PRPF40B: variants seen among roughly 807,000 people sequenced by gnomAD.
PRPF40B encodes pre-mRNA-processing factor 40 homolog B.
In PRPF40B, 56 loss-of-function variants were observed where a neutral mutation model predicts 124.5. The ratio of observed to expected loss-of-function variants is 0.45; its 90% CI spans 0.36 to 0.56. The LOEUF (loss-of-function observed/expected upper bound fraction) is 0.56, where lower values mean the gene tolerates loss of function less well. Ranked by LOEUF, PRPF40B falls within the 20% of genes least tolerant of loss-of-function variation. The pLI, the probability that PRPF40B is intolerant of heterozygous loss-of-function variation, is 0.00. For missense variants in PRPF40B, 1,053 were observed against 1,169.5 expected (o/e 0.90, Z 1.45); for synonymous variants, 443 against 426.4 (o/e 1.04, Z -0.48).
intron 18 of PRPF40B, chr12:49,641,222 T>C (rs1942601541): frequency 1.3e-5 from 2 of 152,238 alleles, no homozygotes; most frequent in Non-Finnish European, 2.9e-5. Flanking sequence ...GTTTTTAGTA[T>C]TGGTGGGGAG....
In PRPF40B at chr12:49,631,662, C is replaced by T; in HGVS notation, c.228+118C>T. ...GGAAGGAAGGGAGCTTTGGGCCAAA[C>T]CCATGTGGATTTGTCTGCTGAATGA... On this transcript the variant is annotated intron_variant, in intron 3 of 25. Coordinates refer to ENST00000548825, the MANE Select transcript of PRPF40B (RefSeq NM_001031698.3). The surrounding 1 kb of genome is among the most constrained non-coding windows in gnomAD (Gnocchi z 4.3). The T allele has an allele frequency of 1.5e-6, 2 of 1,360,760 alleles. No homozygotes were observed. Among genetic ancestry groups the T allele is most frequent in the Non-Finnish European group, 2.1e-6 (2 of 974,360 alleles). The allele number at this position is 1,360,760 out of a possible 1,614,324, so 84.3% of individuals were successfully genotyped here.
chr12:49,634,228 C>T, intron 10 of PRPF40B, 104 bp from the exon 11 acceptor site: 1 of 1,590,962 alleles, frequency 6.3e-7, no homozygotes, highest in Non-Finnish European at 8.6e-7. Context: ...CAGAAAAAGG[C>T]TGCCCTGGGG....
chr12:49,641,085 T>G (rs1439164227), intron 18 of PRPF40B: 1 of 152,260 alleles, frequency 6.6e-6, no homozygotes, highest in Non-Finnish European at 1.5e-5. Flanking sequence ...AGCCAGACTT[T>G]GAACTCCAGT....
At chr12:49,643,165 G>A (rs1324125839) in intron 22 of PRPF40B, 58 bp from the exon 23 acceptor site, 7 of 1,602,990 alleles carry the variant, frequency 4.4e-6, no homozygotes, top group African/African-American at 1.3e-5. Context: ...ATTCCCAGAC[G>A]AGGGCTTCTG....
At position 49,634,012 on chromosome 12, in the gene PRPF40B, G is replaced by C; in HGVS notation, c.732G>C (p.Gly244=). 1 of 1,614,146 alleles carries C rather than the reference G, an allele frequency of 6.2e-7. No individual in the cohort carries two copies. The highest frequency in any genetic ancestry group is 1.1e-5 in the South Asian group (1 of 91,084). The change falls in exon 10 of 26, where the codon GGG becomes GGC. Residue 244 remains glycine (G), a synonymous_variant. Coordinates refer to ENST00000548825, the MANE Select transcript of PRPF40B (RefSeq NM_001031698.3). ...GCCTCCTGGAACCTGAGCCAGGTGG[G>C]AGTGAAGATTGTGATGTGTTGGAGG... The part of the protein sequence containing the change: ...PTGLLEPEPG[G]SEDCDVLEAT...
chr12:49,625,152 A>C (rs908770121), intron 1 of PRPF40B, among the ~76,000 whole-genome samples: 1 of 152,048 alleles, frequency 6.6e-6, no homozygotes. Context: ...CTCGCTGAGG[A>C]TTTCTGGATT....
At position 49,642,534 on chromosome 12, in the gene PRPF40B, G is replaced by T; in HGVS notation, c.2023-46G>T. The T allele has an allele frequency of 6.2e-7, 1 of 1,608,008 alleles. No individual in the cohort carries two copies. The highest frequency in any genetic ancestry group is 2.2e-5 in the East Asian group (1 of 44,814). On this transcript the variant is annotated intron_variant, in intron 20 of 25. Transcript: ENST00000548825. This position sits in a 1 kb window ranked among gnomAD's most constrained non-coding sequence, Gnocchi z 5.8. ...TGTGCTCATGGCGGTGTCCAGGCCA[G>T]GCTGAGTGGGGCCTAGTCTGATCAG...
In PRPF40B at chr12:49,642,643, C is replaced by T; in HGVS notation, c.2086C>T (p.Arg696Trp). 7 of 1,614,184 alleles carry T rather than the reference C, an allele frequency of 4.3e-6. No individual in the cohort carries two copies. The highest frequency in any genetic ancestry group is 1.7e-5 in the Admixed American group (1 of 60,030). The change falls in exon 21 of 26, where the codon CGG becomes TGG. Residue 696 changes from arginine to tryptophan, a missense_variant. This residue lies in a region of PRPF40B where 895 missense variants were observed against 1,052.2 expected (regional missense o/e 0.85). Transcript: ENST00000548825. The surrounding 1 kb of genome is among the most constrained non-coding windows in gnomAD (Gnocchi z 5.8). The part of the protein sequence containing the change: ...EQITLESERI[R>W]LFREFLQVLE... ...GATCACCCTGGAGTCGGAGCGGATCCGGCTCTTCCGGGAGTTCCTACAGGT... is the reference window on the plus strand; with the variant it reads ...GATCACCCTGGAGTCGGAGCGGATCTGGCTCTTCCGGGAGTTCCTACAGGT...
intron 1 of PRPF40B, among the ~76,000 whole-genome samples, chr12:49,625,687 T>C (rs1940647642): frequency 6.6e-6 from 1 of 152,206 alleles, no homozygotes; most frequent in Admixed American, 6.5e-5. Flanking sequence ...CAAGTGTCTC[T>C]TCATCATCTC....
At chr12:49,627,655 A>G (rs962566666) in intron 1 of PRPF40B, among the ~76,000 whole-genome samples, 1 of 152,080 alleles carries the variant, frequency 6.6e-6, no homozygotes, top group Non-Finnish European at 1.5e-5. Context: ...GGGGTTTACT[A>G]TTTACCCTAA....
intron 18 of PRPF40B, chr12:49,639,047 C>T (rs1480423439): frequency 6.6e-6 from 1 of 152,192 alleles, no homozygotes; most frequent in African/African-American, 2.4e-5. Context: ...TCCTCTCTTT[C>T]TCTGGAACCA....
At position 49,631,821 on chromosome 12, in the gene PRPF40B, T is replaced by G. The variant is rs758227369; in HGVS notation, c.229-39T>G. On this transcript the variant is annotated intron_variant, in intron 3 of 25. Transcript: ENST00000548825. This position sits in a 1 kb window ranked among gnomAD's most constrained non-coding sequence, Gnocchi z 4.3. ...ACCCTGTCCCTCCTGTTCCAGCCCT[T>G]ACCTTGGTGGTTGGTTTCTGTCTTC... 1.9e-6 allele frequency: 3 copies of G among 1,589,396 alleles called. No individual in the cohort carries two copies. Among genetic ancestry groups the G allele is most frequent in the Non-Finnish European group, 2.6e-6 (3 of 1,158,098 alleles).
chr12:49,634,904 G>A (rs1941608006), intron 12 of PRPF40B, 195 bp from the exon 13 acceptor site: 1 of 664,326 alleles, frequency 1.5e-6, no homozygotes, highest in Non-Finnish European at 2.5e-6. Flanking sequence ...CCCAGTATTT[G>A]CAGTGTCTTG....
Position 49,637,800 on chromosome 12 carries a change from G to A in PRPF40B, c.1743G>A (p.Lys581=). 6.2e-7 allele frequency: 1 copy of A among 1,608,530 alleles called. No individual in the cohort carries two copies. ...TGAAGGCACGATTCCATGATGAAAA[G>A]AAGATCATTAAGGACATCCTTAAGG... ...EELKARFHDE[K]KIIKDILKDR... is the part of the protein sequence containing the mutation. Residue 581 remains lysine (K), a synonymous_variant, in exon 18 of 26, where the codon AAG becomes AAA. Coordinates refer to ENST00000548825, the MANE Select transcript of PRPF40B (RefSeq NM_001031698.3).
At position 49,631,282 on chromosome 12, in the gene PRPF40B, C is replaced by T; in HGVS notation, c.85-119C>T. The T allele has an allele frequency of 1.5e-6, 1 of 675,490 alleles. No homozygotes were observed. Among genetic ancestry groups the T allele is most frequent in the Non-Finnish European group, 2.4e-6 (1 of 415,528 alleles). 41.8% of individuals were successfully genotyped at this position (675,490 alleles called of 1,614,324 possible). A position where few individuals can be genotyped will look rare whatever the true frequency, so the allele number is the denominator to read the frequency against. On this transcript the variant is annotated intron_variant, in intron 2 of 25. Transcript: ENST00000548825. This position sits in a 1 kb window ranked among gnomAD's most constrained non-coding sequence, Gnocchi z 4.3. ...TTCTCAAACTAAAGCCTTGGAATTG[C>T]CTCAGAGCAGGGTGGAGGGTTGGGG...
Position 49,633,094 on chromosome 12 carries a change from GA to G in PRPF40B, c.431del (p.Lys144SerfsTer49). ...NADDKQSVWE[K>X]PSVLKSKAEL... ...CTGACGACAAGCAGTCCGTGTGGGA[GA>G]AGCCCAGCGTGCTCAAGTCCAAGGC... On this transcript the variant is annotated frameshift_variant, in exon 7 of 26. Transcript: ENST00000548825. LOFTEE classifies it high-confidence loss of function. The G allele has an allele frequency of 6.3e-7, 1 of 1,599,600 alleles. No individual in the cohort carries two copies. The highest frequency in any genetic ancestry group is 8.5e-7 in the Non-Finnish European group (1 of 1,173,972).
intron 22 of PRPF40B, 94 bp downstream of exon 22, chr12:49,643,110 G>A: frequency 6.3e-7 from 1 of 1,584,178 alleles, no homozygotes; most frequent in Non-Finnish European, 8.6e-7. Flanking sequence ...CCCTTGGAGG[G>A]AAGTTTGAGG....
intron 5 of PRPF40B, 47 bp from the exon 6 acceptor site, chr12:49,632,808 G>A (rs761413339): frequency 1.1e-5 from 18 of 1,613,792 alleles, no homozygotes; most frequent in Middle Eastern, 1.7e-4. Context: ...GGAATAAGAT[G>A]GAGGTCGGAG....
intron 1 of PRPF40B, among the ~76,000 whole-genome samples, chr12:49,629,452 A>G (rs1044755806): frequency 6.6e-6 from 1 of 152,254 alleles, no homozygotes; most frequent in Non-Finnish European, 1.5e-5. Flanking sequence ...CATTTTGGCC[A>G]TGTAGGGCTA....
Sources: gnomAD v4.1 joint callset for allele counts (sites outside exome capture counted in the v4.1 genomes callset) on GRCh38, gnomAD v4.1.1 for gene constraint, gnomAD v4.1.1 regional missense constraint, Gnocchi (gnomAD v3.1) non-coding constraint, MANE v1.5 for transcripts, NCBI Gene and HGNC (gene_info 2026-07-23, HGNC 2026-07-21) for gene names.